EXOC4: variants seen among roughly 807,000 people sequenced by gnomAD.
EXOC4 encodes the protein SEC8-like 1.
Under a neutral mutation model 107.2 loss-of-function variants are expected in EXOC4, and 71 were observed. The ratio of observed to expected loss-of-function variants is 0.66; its 90% CI spans 0.55 to 0.81. The LOEUF is 0.81. EXOC4 is among the 30% of genes least tolerant of loss of function. EXOC4 has a pLI of 0.00. For synonymous variants in EXOC4, 456 were observed against 441.2 expected (o/e 1.03, Z -0.42); for missense variants, 1,108 against 1,189.6 (o/e 0.93, Z 1.01).
chr7:133,538,666 TA>T (rs1057461816), intron 9 of EXOC4, among the ~76,000 whole-genome samples: 2 of 151,450 alleles, frequency 1.3e-5, no homozygotes, highest in Non-Finnish European at 2.9e-5. Context: ...AAAATAAAAA[TA>T]AAAAAATAAA....
At chr7:133,785,097 T>TA (rs1796541672) in intron 10 of EXOC4, among the ~76,000 whole-genome samples, 1 of 152,200 alleles carries the variant, frequency 6.6e-6, no homozygotes, top group Non-Finnish European at 1.5e-5. Context: ...CAGCCTTACT[T>TA]ACCCGTCTTC....
chr7:133,516,078 G>A (rs1338828328), intron 9 of EXOC4, among the ~76,000 whole-genome samples: 2 of 152,136 alleles, frequency 1.3e-5, no homozygotes, highest in Non-Finnish European at 2.9e-5. Context: ...CATCACTATT[G>A]AAATTACAGT....
intron 11 of EXOC4, 90 bp downstream of exon 11, chr7:133,817,634 T>G (rs3757406): frequency 0.26 from 237,556 of 913,818 alleles, 35,184 homozygotes; most frequent in East Asian, 0.48. Context: ...AATTACCATC[T>G]GTTTCCATAT....
chr7:133,852,719 G>A (rs1798261581), intron 11 of EXOC4, among the ~76,000 whole-genome samples: 1 of 152,076 alleles, frequency 6.6e-6, no homozygotes, highest in South Asian at 2.1e-4. Flanking sequence ...AAAAAAATAA[G>A]CATAGCATTT....
chr7:134,080,663 C>T, the EXOC4 span, among the ~76,000 whole-genome samples: 1 of 151,928 alleles, frequency 6.6e-6, no homozygotes, highest in African/African-American at 2.4e-5. Flanking sequence ...AGAACAATGG[C>T]CAGGTGCAGT....
intron 10 of EXOC4, among the ~76,000 whole-genome samples, chr7:133,696,815 T>C (rs1279342286): frequency 6.6e-6 from 1 of 152,222 alleles, no homozygotes; most frequent in African/African-American, 2.4e-5. Context: ...TCCCTTACTA[T>C]GTCATGAGGG....
chr7:133,610,233 G>A (rs1324732099), intron 9 of EXOC4, among the ~76,000 whole-genome samples: 1 of 152,176 alleles, frequency 6.6e-6, no homozygotes, highest in Non-Finnish European at 1.5e-5. Context: ...TAATCCCAGG[G>A]TATTTTGATG....
At chr7:133,483,102 G>T (rs530931536) in intron 9 of EXOC4, among the ~76,000 whole-genome samples, 6 of 152,308 alleles carry the variant, frequency 3.9e-5, no homozygotes, top group African/African-American at 1.2e-4. Flanking sequence ...ACTATAAGCT[G>T]CAAGAGCAAA....
intron 9 of EXOC4, among the ~76,000 whole-genome samples, chr7:133,526,817 A>G (rs1272103056): frequency 1.3e-5 from 2 of 151,926 alleles, no homozygotes; most frequent in Non-Finnish European, 2.9e-5. Flanking sequence ...TAAAAATACA[A>G]AAAAATTAGC....
At chr7:134,085,332 CA>C in the EXOC4 span, among the ~76,000 whole-genome samples, 84,863 of 144,752 alleles carry the variant, frequency 0.59, 24,241 homozygotes, top group East Asian at 0.69. Context: ...ACAAAAACAA[CA>C]AAAAAAAAAA....
At chr7:133,418,908 GAA>G (rs1020500322) in intron 7 of EXOC4, among the ~76,000 whole-genome samples, 4 of 152,162 alleles carry the variant, frequency 2.6e-5, no homozygotes, top group African/African-American at 9.7e-5. Context: ...AATTAAAAAT[GAA>G]AAAGTCAATG....
intron 10 of EXOC4, among the ~76,000 whole-genome samples, chr7:133,674,479 A>G (rs1794013480): frequency 6.6e-6 from 1 of 152,170 alleles, no homozygotes; most frequent in Non-Finnish European, 1.5e-5. Context: ...TATAAAAATG[A>G]TAGATTACCA....
chr7:133,681,298 G>A (rs369619375), intron 10 of EXOC4, among the ~76,000 whole-genome samples: 6 of 152,120 alleles, frequency 3.9e-5, no homozygotes, highest in Non-Finnish European at 7.4e-5. Flanking sequence ...AGTCTCTGTC[G>A]TGTTTCTCAT....
At chr7:133,572,854 A>T (rs1448916743) in intron 9 of EXOC4, among the ~76,000 whole-genome samples, 2 of 152,224 alleles carry the variant, frequency 1.3e-5, no homozygotes, top group Non-Finnish European at 2.9e-5. Flanking sequence ...CCAGCTTCTC[A>T]TTTGAAACTT....
intron 7 of EXOC4, among the ~76,000 whole-genome samples, chr7:133,423,594 A>G (rs978620559): frequency 1.3e-5 from 2 of 152,190 alleles, no homozygotes; most frequent in Non-Finnish European, 2.9e-5. Context: ...CCCTGTACCT[A>G]GTGCTGTTCT....
chr7:133,790,885 C>A (rs573781741), intron 10 of EXOC4, among the ~76,000 whole-genome samples: 1 of 152,248 alleles, frequency 6.6e-6, no homozygotes, highest in Admixed American at 6.5e-5. Context: ...TAGAAAATAA[C>A]TAGTAATCAA....
chr7:133,285,848 C>T (rs897536882), intron 2 of EXOC4, among the ~76,000 whole-genome samples: 18 of 151,784 alleles, frequency 1.2e-4, no homozygotes, highest in African/African-American at 4.1e-4. Flanking sequence ...CAGTCTCAAC[C>T]TCCTGGGCTC....
intron 9 of EXOC4, among the ~76,000 whole-genome samples, chr7:133,513,727 T>C (rs1256885442): frequency 6.6e-6 from 1 of 152,228 alleles, no homozygotes; most frequent in African/African-American, 2.4e-5. Flanking sequence ...TAAGAATGTG[T>C]TGCTCTTTGT....
chr7:133,324,319 A>T (rs1237082162), intron 5 of EXOC4, among the ~76,000 whole-genome samples: 1 of 152,050 alleles, frequency 6.6e-6, no homozygotes, highest in Non-Finnish European at 1.5e-5. Flanking sequence ...TCAATTTTAG[A>T]TCTTTCCTGC....
Sources: allele counts gnomAD v4.1 joint callset (sites outside exome capture counted in the v4.1 genomes callset), GRCh38; gene constraint gnomAD v4.1.1; transcripts MANE v1.5; gene names NCBI Gene and HGNC (gene_info 2026-07-23, HGNC 2026-07-21).